Variants in DYNLT2 observed in about 807,000 individuals in gnomAD.
DYNLT2 encodes the protein dynein light chain Tctex-type 2, also known as dynein light chain Tctex-type protein 2.
DYNLT2 carries 24 observed loss-of-function variants against 24.3 expected under a neutral mutation model. The observed-to-expected ratio is 0.99, with a 90% confidence interval of 0.71 to 1.39. DYNLT2 has a LOEUF of 1.39. DYNLT2 is among the 40% of genes most tolerant of loss of function. The probability of loss-of-function intolerance (pLI) is 0.00; values close to 1 mark genes in which losing one functional copy is unlikely to be tolerated. For synonymous variants in DYNLT2, 85 were observed against 85.4 expected, an observed-to-expected ratio of 1.00 and a Z score of 0.03; for missense variants, 246 against 234.5, an observed-to-expected ratio of 1.05 and a Z score of -0.32.
chr6:169,742,128 C>G (rs1423108555), intron 3 of DYNLT2, among the ~76,000 whole-genome samples: 1 of 152,150 alleles, frequency 6.6e-6, no homozygotes, highest in Non-Finnish European at 1.5e-5. Flanking sequence ...GATATTATCT[C>G]TTTATTAATA....
the DYNLT2 span, among the ~76,000 whole-genome samples, chr6:169,729,299 T>C: frequency 6.6e-6 from 1 of 152,234 alleles, no homozygotes; most frequent in Admixed American, 6.5e-5. Flanking sequence ...GTGCCTTTTG[T>C]GTAGGCCGAG....
At chr6:169,741,983 C>T (rs1199650933) in intron 3 of DYNLT2, among the ~76,000 whole-genome samples, 5 of 152,238 alleles carry the variant, frequency 3.3e-5, no homozygotes, top group African/African-American at 9.6e-5. Flanking sequence ...TCCAGGTCCC[C>T]CTCCCCATGC....
intron 2 of DYNLT2, 103 bp downstream of exon 2, chr6:169,743,965 T>C (rs2128335833): frequency 3.5e-6 from 4 of 1,127,152 alleles, no homozygotes; most frequent in Non-Finnish European, 3.8e-6. Context: ...CTAGTGACAA[T>C]TGTATGAGCC....
chr6:169,745,712 C>T (rs985611221), intron 1 of DYNLT2, among the ~76,000 whole-genome samples: 15 of 152,188 alleles, frequency 9.9e-5, no homozygotes, highest in Non-Finnish European at 2.2e-4. Flanking sequence ...AGTGTTAATA[C>T]ATGATACAGG....
chr6:169,748,354 G>T (rs573534611), intron 1 of DYNLT2, among the ~76,000 whole-genome samples: 1 of 152,194 alleles, frequency 6.6e-6, no homozygotes, highest in South Asian at 2.1e-4. Context: ...ACTCTCACCA[G>T]GCAATTAAGG....
the DYNLT2 span, among the ~76,000 whole-genome samples, chr6:169,734,028 T>G: frequency 6.6e-6 from 1 of 152,180 alleles, no homozygotes; most frequent in Non-Finnish European, 1.5e-5. Context: ...CCTAGGTATT[T>G]TATTCTCTTT....
downstream of DYNLT2, among the ~76,000 whole-genome samples, chr6:169,739,743 T>C (rs1361932797): frequency 2.6e-5 from 4 of 152,174 alleles, no homozygotes; most frequent in African/African-American, 9.7e-5. Context: ...AACTTGGTAA[T>C]TCCTTTCAAA....
chr6:169,743,598 C>A (rs1477269367), intron 2 of DYNLT2, among the ~76,000 whole-genome samples: 1 of 152,126 alleles, frequency 6.6e-6, no homozygotes, highest in African/African-American at 2.4e-5. Context: ...TAAATTTATA[C>A]ATTTATTAAA....
the DYNLT2 span, among the ~76,000 whole-genome samples, chr6:169,734,682 G>C: frequency 6.6e-6 from 1 of 152,178 alleles, no homozygotes; most frequent in Non-Finnish European, 1.5e-5. Flanking sequence ...GCTGGATTCG[G>C]TTGGCCAGTA....
rs966751409 is a variant in DYNLT2, at chr6:169,751,410, T to G, written c.49A>C (p.Asn17His). ...ACCGGAGCCTGCTGAGGGGTCTGGTTCGGGGTCTGGATGGGGCTCGACTTC... is the reference window on the plus strand; with the variant it reads ...ACCGGAGCCTGCTGAGGGGTCTGGTGCGGGGTCTGGATGGGGCTCGACTTC... Reference protein sequence around the residue: ...GVKSSPIQTPNQTPQQAPVTP... With the variant: ...GVKSSPIQTPHQTPQQAPVTP... The change falls in exon 1 of 4, where the codon AAC becomes CAC. Residue 17 changes from asparagine (N) to histidine (H), a missense_variant. Coordinates refer to ENST00000366774, the MANE Select transcript of DYNLT2 (RefSeq NM_174910.3). 7 of 1,614,096 alleles carry G rather than the reference T, an allele frequency of 4.3e-6. No homozygotes were observed. The highest frequency in any genetic ancestry group is 5.9e-6 in the Non-Finnish European group (7 of 1,179,992).
intron 1 of DYNLT2, chr6:169,750,780 A>G (rs1356087245): frequency 6.6e-6 from 1 of 152,292 alleles, no homozygotes; most frequent in Non-Finnish European, 1.5e-5. Context: ...ATAAAACTGA[A>G]TAATGACCCT....
At chr6:169,731,625 T>C in the DYNLT2 span, among the ~76,000 whole-genome samples, 3 of 152,232 alleles carry the variant, frequency 2.0e-5, no homozygotes, top group African/African-American at 7.2e-5. Flanking sequence ...TAGAACATAG[T>C]AGATGCATGA....
chr6:169,738,131 C>A (rs1188349928), downstream of DYNLT2, among the ~76,000 whole-genome samples: 1 of 152,204 alleles, frequency 6.6e-6, no homozygotes. Context: ...AGTCATGGGA[C>A]CAAGCTGTCC....
At chr6:169,739,205 CTCCT>C (rs1437992706), downstream of DYNLT2, among the ~76,000 whole-genome samples, 17 of 145,424 alleles carry the variant, frequency 1.2e-4, no homozygotes, top group African/African-American at 3.8e-4. Context: ...CCACAATTTT[CTCCT>C]TTTTTTTTTT....
chr6:169,751,528 C>G lies in DYNLT2; in HGVS notation c.-70G>C, dbSNP rs1047405047. The G allele has an allele frequency of 5.0e-6, 8 of 1,610,422 alleles. No individual in the cohort carries two copies. The East Asian group carries it at 1.8e-4, about 36-fold the overall frequency. ...GGCGGTCAAACGCCCTAGCCAGTCC[C>G]GCGAGGGCGGAAGTCTCCCACCTGC... On this transcript the variant is annotated 5_prime_UTR_variant, in exon 1 of 4. Coordinates refer to ENST00000366774, the MANE Select transcript of DYNLT2 (RefSeq NM_174910.3).
rs1461666200 is a variant in DYNLT2 at position 169,740,809 on chromosome 6, A to AT, written c.487-515_487-514insA. On this transcript the variant is annotated intron_variant, in intron 3 of 3. Coordinates refer to ENST00000366774, the MANE Select transcript of DYNLT2 (RefSeq NM_174910.3). ...TTTGTGGAGGATCTAAAATGGCCCC[A>AT]ATTTTTTTTTTTTTTTGAGACATAG... Among the ~76,000 whole-genome samples the AT allele has an allele frequency of 3.4e-5, 4 of 117,016 alleles. No homozygotes were observed. In the South Asian group the frequency reaches 8.2e-4, roughly 24 times the overall value. 76.8% of individuals were successfully genotyped at this position (117,016 alleles called of 152,430 possible). A position where few individuals can be genotyped will look rare whatever the true frequency, so the allele number is the denominator to read the frequency against.
chr6:169,740,868 G>C (rs540680902), intron 3 of DYNLT2, among the ~76,000 whole-genome samples: 6 of 151,192 alleles, frequency 4.0e-5, no homozygotes, highest in Admixed American at 6.6e-5. Flanking sequence ...GAGTGTAATG[G>C]CGTGATCTCG....
intron 1 of DYNLT2, among the ~76,000 whole-genome samples, chr6:169,749,355 C>T (rs17860626): frequency 7.4e-4 from 113 of 152,358 alleles, no homozygotes; most frequent in Non-Finnish European, 1.1e-3. Context: ...TCCGCCTTGG[C>T]CTCCCAAAGT....
chr6:169,742,248 C>T (rs943290435), intron 3 of DYNLT2, among the ~76,000 whole-genome samples: 1 of 152,162 alleles, frequency 6.6e-6, no homozygotes, highest in African/African-American at 2.4e-5. Context: ...CTCTAGGAAG[C>T]CAGTTTTATC....
Sources: allele counts gnomAD v4.1 joint callset (sites outside exome capture counted in the v4.1 genomes callset), GRCh38; gene constraint gnomAD v4.1.1; transcripts MANE v1.5; gene names NCBI Gene and HGNC (gene_info 2026-07-23, HGNC 2026-07-21).